UGT2B7: variants seen among roughly 807,000 people sequenced by gnomAD.
UGT2B7 encodes UDP glucuronosyltransferase family 2 member B7, also known as UDP-glucuronosyltransferase 2B7.
Under a neutral mutation model 51.9 loss-of-function variants are expected in UGT2B7, and 51 were observed. That is an observed-to-expected ratio of 0.98 (90% CI 0.78 to 1.24). The LOEUF (loss-of-function observed/expected upper bound fraction) is 1.24. UGT2B7 is among the 50% of genes most tolerant of loss of function. The probability of loss-of-function intolerance (pLI) is 0.00; values close to 1 mark genes in which losing one functional copy is unlikely to be tolerated. For missense variants in UGT2B7, 727 were observed against 628.4 expected (o/e 1.16, Z -1.68); for synonymous variants, 225 against 211.6 (o/e 1.06, Z -0.55).
At chr4:69,075,767 G>A (rs564681653) in intron 1 of UGT2B7, among the ~76,000 whole-genome samples, 2 of 152,132 alleles carry the variant, frequency 1.3e-5, no homozygotes, top group South Asian at 2.1e-4. Flanking sequence ...ATAACTACAA[G>A]GATATTTCTT....
At chr4:69,091,448 G>A (rs907911772) in intron 2 of UGT2B7, among the ~76,000 whole-genome samples, 3 of 151,652 alleles carry the variant, frequency 2.0e-5, no homozygotes, top group African/African-American at 7.3e-5. Flanking sequence ...TATATTTCAT[G>A]TATTTTTATT....
chr4:69,107,271 C>T lies in UGT2B7; in HGVS notation c.1090+9C>T, dbSNP rs1363868726. The T allele has an allele frequency of 6.3e-7, 1 of 1,598,062 alleles. No individual in the cohort carries two copies. Among genetic ancestry groups the T allele is most frequent in the Admixed American group, 1.7e-5 (1 of 58,222 alleles). On this transcript the variant is annotated intron_variant, in intron 4 of 5. Transcript: ENST00000305231. ...CCAGAATGACCTTCTAGGTAAGACTCTGGTGAACAAATACTGAATATATTA... is the reference window on the plus strand; with the variant it reads ...CCAGAATGACCTTCTAGGTAAGACTTTGGTGAACAAATACTGAATATATTA...
At chr4:69,064,074 A>G (rs978913415) in intron 1 of UGT2B7, among the ~76,000 whole-genome samples, 9 of 107,454 alleles carry the variant, frequency 8.4e-5, no homozygotes, top group African/African-American at 3.2e-4. Flanking sequence ...GAAAGAAAGA[A>G]AGAAAGAAAG....
At chr4:69,053,209 T>C (rs1718085925) in intron 1 of UGT2B7, among the ~76,000 whole-genome samples, 1 of 152,186 alleles carries the variant, frequency 6.6e-6, no homozygotes, top group Non-Finnish European at 1.5e-5. Context: ...AGCATACTAA[T>C]ATAAAGGTAA....
At chr4:69,099,998 T>C (rs1719372639) in intron 2 of UGT2B7, among the ~76,000 whole-genome samples, 1 of 152,052 alleles carries the variant, frequency 6.6e-6, no homozygotes, top group Non-Finnish European at 1.5e-5. Flanking sequence ...AAACACTTCC[T>C]CAACAATAGA....
intron 1 of UGT2B7, among the ~76,000 whole-genome samples, chr4:69,076,337 A>G (rs1718707584): frequency 6.6e-6 from 1 of 152,224 alleles, no homozygotes; most frequent in Non-Finnish European, 1.5e-5. Flanking sequence ...TTCTAGTTCT[A>G]GATCCTTGAA....
Position 69,108,103 on chromosome 4 carries a change from G to A in UGT2B7, c.1091G>A (p.Gly364Asp), listed in dbSNP as rs1373766460. 6.2e-7 allele frequency: 1 copy of A among 1,613,046 alleles called. No homozygotes were observed. The highest frequency in any genetic ancestry group is 1.7e-5 in the Admixed American group (1 of 59,936). ...YKWIPQNDLL[G>D]HPKTRAFITH... The stretch of plus-strand genomic sequence containing the variant: ...TTTGCTAAAATTCATCCAATCCTAG[G>A]TCATCCAAAGACCAGAGCTTTTATA... Residue 364 changes from glycine to aspartate, a missense_variant and splice_region_variant, in exon 5 of 6, where the codon GGT becomes GAT. By Grantham distance (94) the Gly-to-Asp change is moderately conservative. Coordinates refer to ENST00000305231, the MANE Select transcript of UGT2B7 (RefSeq NM_001074.4).
intron 1 of UGT2B7, among the ~76,000 whole-genome samples, chr4:69,075,498 A>T (rs1244948818): frequency 6.6e-6 from 1 of 152,132 alleles, no homozygotes; most frequent in African/African-American, 2.4e-5. Flanking sequence ...TCAAGGAGAG[A>T]TGCAAAGAGG....
chr4:69,107,111 G>A, intron 3 of UGT2B7, 64 bp from the exon 4 acceptor site: 1 of 1,520,534 alleles, frequency 6.6e-7, no homozygotes, highest in Non-Finnish European at 9.1e-7. Flanking sequence ...TCTTTATACA[G>A]TTCTCACATT....
intron 1 of UGT2B7, among the ~76,000 whole-genome samples, chr4:69,051,959 G>T (rs1029601161): frequency 6.6e-6 from 1 of 152,158 alleles, no homozygotes; most frequent in African/African-American, 2.4e-5. Flanking sequence ...GTTTTGTGGT[G>T]TGTGTGTGGT....
intron 3 of UGT2B7, among the ~76,000 whole-genome samples, chr4:69,104,938 C>T (rs1719548040): frequency 6.6e-6 from 1 of 152,140 alleles, no homozygotes; most frequent in Non-Finnish European, 1.5e-5. Context: ...GAGTAATGTT[C>T]AGGGTACTAT....
At chr4:69,058,416 C>CA (rs1718260241) in intron 1 of UGT2B7, among the ~76,000 whole-genome samples, 1 of 152,290 alleles carries the variant, frequency 6.6e-6, no homozygotes, top group African/African-American at 2.4e-5. Flanking sequence ...TTGGGCTATG[C>CA]AAATGCCTTT....
intron 2 of UGT2B7, among the ~76,000 whole-genome samples, chr4:69,090,793 T>TA (rs1339953160): frequency 2.0e-5 from 3 of 152,232 alleles, no homozygotes; most frequent in Admixed American, 2.0e-4. Context: ...GTCTTGACTT[T>TA]ACATGCCAAT....
intron 1 of UGT2B7, among the ~76,000 whole-genome samples, chr4:69,060,502 T>C (rs1718320802): frequency 1.3e-5 from 2 of 152,204 alleles, no homozygotes; most frequent in Non-Finnish European, 2.9e-5. Context: ...CAAAGAAGCC[T>C]TGACTCAGGC....
At chr4:69,078,877 G>A (rs1718774487) in intron 1 of UGT2B7, among the ~76,000 whole-genome samples, 1 of 152,102 alleles carries the variant, frequency 6.6e-6, no homozygotes, top group African/African-American at 2.4e-5. Context: ...GGTGACAAGT[G>A]GCAGTGGTGG....
At chr4:69,059,599 C>T (rs1718297724) in intron 1 of UGT2B7, among the ~76,000 whole-genome samples, 1 of 152,072 alleles carries the variant, frequency 6.6e-6, no homozygotes, top group Non-Finnish European at 1.5e-5. Flanking sequence ...TAGTAACCCA[C>T]CTGGACTGGC....
At chr4:69,052,272 C>T (rs1472411082) in intron 1 of UGT2B7, among the ~76,000 whole-genome samples, 1 of 151,892 alleles carries the variant, frequency 6.6e-6, no homozygotes, top group Non-Finnish European at 1.5e-5. Flanking sequence ...GACCCCTTCC[C>T]CCCCAACAGT....
intron 1 of UGT2B7, among the ~76,000 whole-genome samples, chr4:69,074,482 C>T (rs1277933514): frequency 8.1e-6 from 1 of 124,182 alleles, no homozygotes; most frequent in Non-Finnish European, 1.6e-5. Context: ...ATTGTTTCCC[C>T]TATTTATGAT....
chr4:69,107,160 T>C lies in UGT2B7; in HGVS notation c.1003-15T>C. On this transcript the variant is annotated splice_polypyrimidine_tract_variant and intron_variant, in intron 3 of 5. Transcript: ENST00000305231. ...ATTCCACTCATGGAATAAAATATTT[T>C]CTTTATTGTAACAGGTTCTGTGGAG... The C allele has an allele frequency of 2.5e-6, 4 of 1,603,484 alleles. No homozygotes were observed. Among genetic ancestry groups the C allele is most frequent in the Non-Finnish European group, 3.4e-6 (4 of 1,173,690 alleles).
Sources: allele counts gnomAD v4.1 joint callset (sites outside exome capture counted in the v4.1 genomes callset), GRCh38; gene constraint gnomAD v4.1.1; transcripts MANE v1.5; gene names NCBI Gene and HGNC (gene_info 2026-07-23, HGNC 2026-07-21).